The following USP37 variants were observed in gnomAD, a reference collection of about 807,000 sequenced individuals.
USP37 encodes the protein ubiquitin carboxyl-terminal hydrolase 37.
USP37 carries 27 observed loss-of-function variants against 124.0 expected under a neutral mutation model. The observed-to-expected ratio is 0.22, with a 90% CI of 0.16 to 0.30. USP37 has a LOEUF of 0.30. Among genes scored for constraint, USP37 ranks in the 10% least tolerant of loss-of-function variants. The probability of loss-of-function intolerance (pLI) is 1.00; values close to 1 mark genes in which losing one functional copy is unlikely to be tolerated. For missense variants in USP37, 889 were observed against 1,140.4 expected, an observed-to-expected ratio of 0.78 and a Z score of 3.17; for synonymous variants, 365 against 388.0, an observed-to-expected ratio of 0.94 and a Z score of 0.70.
chr2:218,540,954 C>T lies in USP37; in HGVS notation c.680+5267G>A, dbSNP rs1389402874. Among the ~76,000 whole-genome samples, 4 of 152,162 alleles carry T rather than the reference C, an allele frequency of 2.6e-5. No individual in the cohort carries two copies. In the East Asian group the frequency reaches 5.8e-4, roughly 22 times the overall value. On this transcript the variant is annotated intron_variant, in intron 8 of 25. Transcript: ENST00000258399. ...ACAGTTCCTACCACATACAGTATTA[C>T]CCCAAAGCTGCTGGCCTGATAAAGT...
chr2:218,507,677 T>A (rs1689753816), intron 11 of USP37, among the ~76,000 whole-genome samples: 1 of 152,176 alleles, frequency 6.6e-6, no homozygotes, highest in African/African-American at 2.4e-5. Flanking sequence ...CTTTAATGGA[T>A]GAGAATGATG....
intron 8 of USP37, among the ~76,000 whole-genome samples, chr2:218,537,865 G>A (rs959694019): frequency 1.3e-5 from 2 of 152,106 alleles, no homozygotes; most frequent in African/African-American, 4.8e-5. Context: ...TGTAAAGTAT[G>A]GCATACTACT....
intron 1 of USP37, among the ~76,000 whole-genome samples, chr2:218,566,983 A>T (rs556532193): frequency 6.6e-6 from 1 of 152,268 alleles, no homozygotes; most frequent in East Asian, 1.9e-4. Flanking sequence ...GAAACTCCTA[A>T]GAAAAAAATC....
At position 218,495,782 on chromosome 2, in the gene USP37, G is replaced by A. The variant is rs1689050154; in HGVS notation, c.1450C>T (p.Gln484Ter). 3 of 1,612,358 alleles carry A rather than the reference G, an allele frequency of 1.9e-6. No homozygotes were observed. Among genetic ancestry groups the A allele is most frequent in the Non-Finnish European group, 2.5e-6 (3 of 1,179,720 alleles). ...PVITNLEFEV[Q>*]HSIICKACGE... ...TACGCTTTACAAATGATGGAGTGCT[G>A]AACCTCAAACTCCAAATTAGTAATA... Residue 484 changes from glutamine to a stop codon, truncating the protein, a stop_gained, in exon 14 of 26, where the codon CAG becomes TAG. Coordinates refer to ENST00000258399, the MANE Select transcript of USP37 (RefSeq NM_020935.3). LOFTEE classifies it high-confidence loss of function.
chr2:218,557,930 CAAAA>C (rs61488353), intron 4 of USP37, among the ~76,000 whole-genome samples: 22 of 35,670 alleles, frequency 6.2e-4, no homozygotes, highest in South Asian at 2.9e-3. Flanking sequence ...GACTCTGTCT[CAAAA>C]AAAAAAAAAA....
intron 5 of USP37, among the ~76,000 whole-genome samples, 174 bp downstream of exon 5, chr2:218,553,379 A>C (rs922765182): frequency 1.3e-5 from 2 of 152,236 alleles, no homozygotes; most frequent in African/African-American, 4.8e-5. Context: ...ATGATGTGTT[A>C]CACAGATTGA....
intron 10 of USP37, among the ~76,000 whole-genome samples, chr2:218,522,550 C>A (rs599973): frequency 7.2e-6 from 1 of 139,110 alleles, no homozygotes; most frequent in African/African-American, 2.7e-5. Context: ...GTGACAGAGG[C>A]AAACTCCACC....
chr2:218,508,236 T>C (rs1689782510), intron 11 of USP37, among the ~76,000 whole-genome samples: 1 of 152,162 alleles, frequency 6.6e-6, no homozygotes, highest in Admixed American at 6.5e-5. Context: ...GCAGTCTCCA[T>C]TACCCTTTAG....
chr2:218,460,258 CAA>C (rs34916803), intron 22 of USP37, among the ~76,000 whole-genome samples: 9 of 129,448 alleles, frequency 7.0e-5, no homozygotes, highest in Non-Finnish European at 6.9e-5. Context: ...AACTCTGTCC[CAA>C]AAAAAAAAAA....
chr2:218,479,842 T>C (rs555078803), intron 17 of USP37, 127 bp from the exon 18 acceptor site: 2 of 516,702 alleles, frequency 3.9e-6, no homozygotes, highest in Non-Finnish European at 5.5e-6. Flanking sequence ...ACAATTATAA[T>C]ACTTTTTAAA....
intron 13 of USP37, among the ~76,000 whole-genome samples, chr2:218,496,384 G>A (rs1398416801): frequency 2.0e-5 from 3 of 152,006 alleles, no homozygotes; most frequent in Non-Finnish European, 2.9e-5. Flanking sequence ...GAAAACCCTT[G>A]AAAGTCAATG....
At chr2:218,559,163 T>C (rs1693183409) in intron 3 of USP37, among the ~76,000 whole-genome samples, 1 of 151,678 alleles carries the variant, frequency 6.6e-6, no homozygotes, top group South Asian at 2.1e-4. Flanking sequence ...GAAAAAACAT[T>C]AGCCAGGCAT....
intron 2 of USP37, among the ~76,000 whole-genome samples, chr2:218,561,600 G>T (rs1265911822): frequency 6.6e-6 from 1 of 150,588 alleles, no homozygotes; most frequent in African/African-American, 2.4e-5. Flanking sequence ...AGAGGCTGCA[G>T]TGAGCCGAGA....
chr2:218,495,298 C>T (rs988517359), intron 14 of USP37, among the ~76,000 whole-genome samples: 1 of 152,152 alleles, frequency 6.6e-6, no homozygotes, highest in Non-Finnish European at 1.5e-5. Context: ...TGCATCACCA[C>T]ACCTGCCTAA....
intron 24 of USP37, among the ~76,000 whole-genome samples, chr2:218,456,702 G>A (rs1021370044): frequency 1.3e-5 from 2 of 152,078 alleles, no homozygotes; most frequent in African/African-American, 4.8e-5. Flanking sequence ...GGGCATGGTC[G>A]CTCACGTCTG....
intron 8 of USP37, among the ~76,000 whole-genome samples, chr2:218,544,430 T>TATATAGAGAG (rs377397246): frequency 1.0e-3 from 53 of 50,804 alleles, no homozygotes; most frequent in African/African-American, 6.1e-3. Flanking sequence ...TATATATATA[T>TATATAGAGAG]AGAGAGAGAG....
chr2:218,550,304 T>C (rs1692592295), intron 5 of USP37, among the ~76,000 whole-genome samples: 2 of 150,912 alleles, frequency 1.3e-5, no homozygotes, highest in Non-Finnish European at 2.9e-5. Context: ...CAATAACATA[T>C]ACTCCAAAAC....
intron 20 of USP37, among the ~76,000 whole-genome samples, chr2:218,466,840 TTCTCATGCC>T (rs1690353026): frequency 1.3e-5 from 2 of 151,768 alleles, no homozygotes; most frequent in African/African-American, 4.8e-5. Flanking sequence ...GTTCAAGCAA[TTCTCATGCC>T]TCAGCCACCA....
At chr2:218,519,141 G>T (rs1393591823) in intron 10 of USP37, among the ~76,000 whole-genome samples, 1 of 152,206 alleles carries the variant, frequency 6.6e-6, no homozygotes, top group Admixed American at 6.5e-5. Context: ...AGCAATTTAA[G>T]ATGTCACAAT....
Sources: gnomAD v4.1 joint callset for allele counts (sites outside exome capture counted in the v4.1 genomes callset) on GRCh38, gnomAD v4.1.1 for gene constraint, MANE v1.5 for transcripts, NCBI Gene and HGNC (gene_info 2026-07-23, HGNC 2026-07-21) for gene names.